The following TRARG1 variants were observed in gnomAD, a reference collection of about 807,000 sequenced individuals.
TRARG1 encodes the protein trafficking regulator of GLUT4 (SLC2A4) 1 (gene/pseudogene).
A neutral mutation model predicts 13.3 loss-of-function variants in TRARG1; 16 were observed. The observed-to-expected ratio is 1.20, with a 90% CI of 0.81 to 1.83. The LOEUF (loss-of-function observed/expected upper bound fraction) is 1.83, where lower values mean the gene tolerates loss of function less well. TRARG1 is among the 40% of genes most tolerant of loss of function. The probability of loss-of-function intolerance (pLI) is 0.00; values close to 1 mark genes in which losing one functional copy is unlikely to be tolerated. For synonymous variants in TRARG1, 113 were observed against 106.2 expected, an observed-to-expected ratio of 1.06 and a Z score of -0.39; for missense variants, 250 against 237.4, an observed-to-expected ratio of 1.05 and a Z score of -0.35.
intron 1 of TRARG1, among the ~76,000 whole-genome samples, chr17:1,293,570 TGG>T (rs2072089241): frequency 2.6e-5 from 2 of 75,650 alleles, no homozygotes; most frequent in East Asian, 3.4e-4. Context: ...TGTCGTGGGT[TGG>T]GTTTGATGAT....
At chr17:1,284,080 A>G (rs1252437193) in intron 1 of TRARG1, among the ~76,000 whole-genome samples, 1 of 151,596 alleles carries the variant, frequency 6.6e-6, no homozygotes, top group Non-Finnish European at 1.5e-5. Context: ...GTGCCACTGC[A>G]CTCCAGCCTG....
At chr17:1,284,084 C>T (rs2072003342) in intron 1 of TRARG1, among the ~76,000 whole-genome samples, 1 of 151,188 alleles carries the variant, frequency 6.6e-6, no homozygotes, top group Non-Finnish European at 1.5e-5. Flanking sequence ...CACTGCACTC[C>T]AGCCTGGGCG....
chr17:1,297,502 C>A (rs1372565974), intron 2 of TRARG1, among the ~76,000 whole-genome samples: 2 of 151,570 alleles, frequency 1.3e-5, no homozygotes, highest in Admixed American at 6.6e-5. Flanking sequence ...ACATGCAAGG[C>A]AGGAGCCCAC....
At chr17:1,281,763 G>C (rs2071973792) in intron 1 of TRARG1, among the ~76,000 whole-genome samples, 1 of 152,052 alleles carries the variant, frequency 6.6e-6, no homozygotes, top group Non-Finnish European at 1.5e-5. Flanking sequence ...AACTGGATTT[G>C]GGGAGGGAAG....
intron 1 of TRARG1, among the ~76,000 whole-genome samples, chr17:1,291,077 T>C (rs987983691): frequency 6.6e-6 from 1 of 151,982 alleles, no homozygotes; most frequent in East Asian, 1.9e-4. Flanking sequence ...CGCTCATTTT[T>C]TTGTATTTAG....
intron 1 of TRARG1, among the ~76,000 whole-genome samples, chr17:1,283,530 G>T (rs1047579842): frequency 6.6e-6 from 1 of 152,180 alleles, no homozygotes; most frequent in Non-Finnish European, 1.5e-5. Context: ...ACCCTGGCCG[G>T]GCGCAGTGGC....
chr17:1,279,663 C>T lies in TRARG1; in HGVS notation c.-339C>T, dbSNP rs1338868813. 3 of 297,572 alleles carry T rather than the reference C, an allele frequency of 1.0e-5. No individual in the cohort carries two copies. The highest frequency in any genetic ancestry group is 4.3e-5 in the African/African-American group (2 of 46,246). The allele number at this position is 297,572 out of a possible 1,614,324, so 18.4% of individuals were successfully genotyped here. On this transcript the variant is annotated 5_prime_UTR_variant, in exon 1 of 3. Coordinates refer to ENST00000333813, the MANE Select transcript of TRARG1 (RefSeq NM_172367.3). ...GCCTGAGCCTCCCTGGGAAGAGGCG[C>T]ATTCTTCTCTCTGCTCTCTGAGCTT...
At chr17:1,293,345 G>A (rs1250014341) in intron 1 of TRARG1, among the ~76,000 whole-genome samples, 1 of 151,996 alleles carries the variant, frequency 6.6e-6, no homozygotes, top group African/African-American at 2.4e-5. Flanking sequence ...GGGCAGAGGA[G>A]CCGTCACGGA....
intron 1 of TRARG1, among the ~76,000 whole-genome samples, chr17:1,282,222 G>GTATA (rs1567928180): frequency 0.023 from 2,666 of 114,772 alleles, 192 homozygotes; most frequent in African/African-American, 0.058. Context: ...ACGTATACAC[G>GTATA]TGCGTATATG....
chr17:1,292,257 G>A (rs1283945984), intron 1 of TRARG1, among the ~76,000 whole-genome samples: 5 of 152,332 alleles, frequency 3.3e-5, no homozygotes, highest in African/African-American at 1.2e-4. Flanking sequence ...TGTGGAAGAC[G>A]CTGAGCAGCT....
chr17:1,290,581 C>T (rs935168824), intron 1 of TRARG1, among the ~76,000 whole-genome samples: 32 of 152,190 alleles, frequency 2.1e-4, no homozygotes, highest in African/African-American at 7.5e-4. Context: ...CAGGCGTGAG[C>T]CACTGCTCCT....
rs949953746 is a variant in TRARG1, at chr17:1,282,312, G to A, written c.387+1924G>A. Among the ~76,000 whole-genome samples the A allele has an allele frequency of 6.0e-5, 9 of 150,540 alleles. No homozygotes were observed. In the East Asian group the frequency reaches 9.7e-4, roughly 16 times the overall value. ...TATATGTACGTATATGTACATATGC[G>A]TATATATGTACATATATGTACGTAT... is the stretch of plus-strand genomic sequence containing the variant. On this transcript the variant is annotated intron_variant, in intron 1 of 2. Transcript: ENST00000333813.
intron 1 of TRARG1, among the ~76,000 whole-genome samples, chr17:1,282,005 CACATATGTACATAT>C (rs770129156): frequency 1.6e-3 from 243 of 149,832 alleles, no homozygotes; most frequent in Middle Eastern, 3.5e-3. Context: ...TACAGATATA[CACATATGTACATAT>C]ACATATGTAC....
At chr17:1,297,922 A>G (rs1251742323) in intron 2 of TRARG1, among the ~76,000 whole-genome samples, 3 of 152,046 alleles carry the variant, frequency 2.0e-5, no homozygotes, top group African/African-American at 7.2e-5. Context: ...TGCACATTTT[A>G]ATCAGTCCAG....
intron 1 of TRARG1, among the ~76,000 whole-genome samples, chr17:1,287,502 A>T (rs12449725): frequency 0.24 from 37,134 of 151,584 alleles, 4,909 homozygotes; most frequent in East Asian, 0.4. Flanking sequence ...CTGGGACTAC[A>T]GGGGCCCACT....
chr17:1,283,983 T>A (rs1277959410), intron 1 of TRARG1, among the ~76,000 whole-genome samples: 1 of 150,516 alleles, frequency 6.6e-6, no homozygotes, highest in Non-Finnish European at 1.5e-5. Context: ...ATGGTGGCAG[T>A]GGGCGCCTGT....
intron 1 of TRARG1, among the ~76,000 whole-genome samples, chr17:1,294,023 C>T (rs920833754): frequency 1.3e-5 from 2 of 152,182 alleles, no homozygotes; most frequent in Admixed American, 1.3e-4. Flanking sequence ...TTGTCATCAT[C>T]TTCATCACAC....
chr17:1,293,102 A>G (rs1484210505), intron 1 of TRARG1, among the ~76,000 whole-genome samples: 2 of 152,064 alleles, frequency 1.3e-5, no homozygotes, highest in East Asian at 1.9e-4. Flanking sequence ...CCTGGCCAAC[A>G]TGGTGAAACT....
Position 1,279,960 on chromosome 17 carries a change from T to C in TRARG1, c.-42T>C. ...GCGCTGAGGTCCCTCCAGAGCCCCT[T>C]GTCCCAGCCTGGAGCTGCAGCCGCG... On this transcript the variant is annotated 5_prime_UTR_variant, in exon 1 of 3. Transcript: ENST00000333813. 2 of 1,572,318 alleles carry C rather than the reference T, an allele frequency of 1.3e-6. No individual in the cohort carries two copies. Among genetic ancestry groups the C allele is most frequent in the Non-Finnish European group, 1.7e-6 (2 of 1,158,410 alleles).
Sources: gnomAD v4.1 joint callset for allele counts (sites outside exome capture counted in the v4.1 genomes callset) on GRCh38, gnomAD v4.1.1 for gene constraint, MANE v1.5 for transcripts, NCBI Gene and HGNC (gene_info 2026-07-23, HGNC 2026-07-21) for gene names.